ZNF682: variants seen among roughly 807,000 people sequenced by gnomAD.
The protein encoded by ZNF682 is zinc finger protein 682.
A neutral mutation model predicts 36.5 loss-of-function variants in ZNF682; 29 were observed. That is an observed-to-expected ratio of 0.80 (90% confidence interval 0.59 to 1.08). The LOEUF is 1.08. Ranked by LOEUF, ZNF682 falls within the 50% of genes least tolerant of loss-of-function variation. The pLI is 0.00. For missense variants in ZNF682, 561 were observed against 579.7 expected (o/e 0.97, Z 0.33); for synonymous variants, 180 against 197.0 (o/e 0.91, Z 0.72).
rs2122293421 is a variant in ZNF682, at chr19:20,004,930, T to C, written c.*1075A>G. 6.6e-6 allele frequency: 1 copy of C among 152,374 alleles called. No homozygotes were observed. The highest frequency in any genetic ancestry group is 1.5e-5 in the Non-Finnish European group (1 of 68,038). The allele number at this position is 152,374 out of a possible 1,614,324, so 9.4% of individuals were successfully genotyped here. Reference sequence around the variant, plus strand: ...AAATTATGTTAACCTTGAATTACTCTTTATAATCAATGCCCTGATTTAGAA... The same window carrying C: ...AAATTATGTTAACCTTGAATTACTCCTTATAATCAATGCCCTGATTTAGAA... On this transcript the variant is annotated 3_prime_UTR_variant, in exon 4 of 4. Transcript: ENST00000397165.
At chr19:19,997,502 G>A (rs148513033) in intron 3 of ZNF682, among the ~76,000 whole-genome samples, 2 of 152,308 alleles carry the variant, frequency 1.3e-5, no homozygotes, top group African/African-American at 2.4e-5. Context: ...TCACCCCAGA[G>A]GCATCTTGGG....
intron 3 of ZNF682, among the ~76,000 whole-genome samples, chr19:20,019,520 T>C (rs77692147): frequency 2.0e-5 from 3 of 151,908 alleles, no homozygotes; most frequent in African/African-American, 7.3e-5. Flanking sequence ...AAGAAAATAA[T>C]AGAAGGAAAC....
chr19:19,995,585 G>T (rs548558723), downstream of ZNF682, among the ~76,000 whole-genome samples: 3 of 151,952 alleles, frequency 2.0e-5, no homozygotes, highest in African/African-American at 7.3e-5. Context: ...GCCTCAAGGG[G>T]CTCACACAAC....
At chr19:20,035,699 A>T (rs2088523131) in intron 1 of ZNF682, among the ~76,000 whole-genome samples, 1 of 108,082 alleles carries the variant, frequency 9.3e-6, no homozygotes, top group Admixed American at 1.1e-4. Context: ...TCCAAAATAA[A>T]TATTGTGCTG....
At chr19:20,009,770 G>A (rs572462618) in intron 3 of ZNF682, among the ~76,000 whole-genome samples, 8 of 152,062 alleles carry the variant, frequency 5.3e-5, no homozygotes, top group African/African-American at 7.2e-5. Context: ...TCTGTAATCC[G>A]AGCTTTTTGG....
At position 20,013,956 on chromosome 19, in the gene ZNF682, GA is replaced by G. The variant is rs536414556; in HGVS notation, c.227-6682del. Among the ~76,000 whole-genome samples the G allele has an allele frequency of 3.2e-3, 494 of 152,176 alleles. 1 individual carries two copies. Among genetic ancestry groups the G allele is most frequent in the African/African-American group, 0.011 (470 of 41,522 alleles). On this transcript the variant is annotated intron_variant, in intron 3 of 3. Transcript: ENST00000397165. ...GGAATGAAACTAAAAATTAGTAATA[GA>G]AAAAAATCCACAAATATATGGAAAT...
At chr19:20,001,131 A>T (rs1599599066), downstream of ZNF682, among the ~76,000 whole-genome samples, 1 of 152,214 alleles carries the variant, frequency 6.6e-6, no homozygotes, top group Non-Finnish European at 1.5e-5. Context: ...CTCTGTTCAC[A>T]TACTTGTAGA....
chr19:20,022,893 CA>C (rs1599611803), intron 3 of ZNF682, 110 bp downstream of exon 3: 1 of 895,304 alleles, frequency 1.1e-6, no homozygotes, highest in East Asian at 2.4e-5. Flanking sequence ...TCACGTTCCT[CA>C]AAAATCATCT....
chr19:20,027,399 C>A (rs8101367), intron 1 of ZNF682, among the ~76,000 whole-genome samples: 119,117 of 152,186 alleles, frequency 0.78, 46,757 homozygotes, highest in Middle Eastern at 0.87. Context: ...AGCAAAGGGC[C>A]CATAGGGCCC....
chr19:20,001,135 T>C (rs1330421980), downstream of ZNF682, among the ~76,000 whole-genome samples: 1 of 152,242 alleles, frequency 6.6e-6, no homozygotes, highest in Non-Finnish European at 1.5e-5. Context: ...GTTCACATAC[T>C]TGTAGAAATA....
intron 3 of ZNF682, among the ~76,000 whole-genome samples, chr19:20,017,068 T>C (rs1220122558): frequency 6.6e-6 from 1 of 151,820 alleles, no homozygotes; most frequent in South Asian, 2.1e-4. Context: ...ATAGAAGATA[T>C]GCAAAAGAAA....
intron 1 of ZNF682, among the ~76,000 whole-genome samples, chr19:20,028,754 T>G (rs1005587738): frequency 6.6e-6 from 1 of 152,244 alleles, no homozygotes; most frequent in Non-Finnish European, 1.5e-5. Context: ...AGCTCATGTC[T>G]GAGTAAGTCT....
intron 3 of ZNF682, chr19:20,015,267 C>T (rs1008519413): frequency 4.1e-6 from 4 of 985,190 alleles, no homozygotes; most frequent in Middle Eastern, 5.2e-4. Flanking sequence ...GACTCCTCAT[C>T]TAAACAGGAT....
At chr19:20,031,589 T>C (rs542264344) in intron 1 of ZNF682, among the ~76,000 whole-genome samples, 41 of 152,354 alleles carry the variant, frequency 2.7e-4, no homozygotes, top group African/African-American at 9.9e-4. Context: ...TTGGGTGTTA[T>C]AGCATGCTGC....
intron 3 of ZNF682, among the ~76,000 whole-genome samples, chr19:20,010,562 G>C (rs1406868555): frequency 6.6e-6 from 1 of 152,166 alleles, no homozygotes. Flanking sequence ...GGGAGGCTGA[G>C]GCAGGAGAAT....
At chr19:20,031,453 C>T (rs1177508614) in intron 1 of ZNF682, among the ~76,000 whole-genome samples, 2 of 152,176 alleles carry the variant, frequency 1.3e-5, no homozygotes, top group African/African-American at 2.4e-5. Context: ...TGACCTGTCA[C>T]GATGCAGAAA....
intron 3 of ZNF682, among the ~76,000 whole-genome samples, chr19:20,020,596 G>C (rs1320552403): frequency 6.6e-6 from 1 of 152,110 alleles, no homozygotes; most frequent in East Asian, 1.9e-4. Flanking sequence ...AATAAAATCA[G>C]TATTTCTAAT....
chr19:20,006,587 T>C lies in ZNF682; in HGVS notation c.915A>G (p.Thr305=), dbSNP rs781132834. 6 of 1,614,210 alleles carry C rather than the reference T, an allele frequency of 3.7e-6. No homozygotes were observed. The highest frequency in any genetic ancestry group is 4.2e-6 in the Non-Finnish European group (5 of 1,180,032). The change falls in exon 4 of 4, where the codon ACA becomes ACG. Residue 305 remains threonine, a synonymous_variant. Coordinates refer to ENST00000397165, the MANE Select transcript of ZNF682 (RefSeq NM_033196.3). ...NRHSHLTKHK[T]IHTGKKPYKC... is the part of the protein sequence containing the mutation. ...TGTAGGGTTTCTTTCCAGTGTGAAT[T>C]GTCTTATGTTTGGTGAGATGTGAGT...
chr19:20,036,777 G>C (rs1035869960), intron 1 of ZNF682, among the ~76,000 whole-genome samples: 4 of 133,238 alleles, frequency 3.0e-5, no homozygotes, highest in Non-Finnish European at 6.2e-5. Flanking sequence ...CACCAGTTCC[G>C]GGAACATGGT....
Sources: gnomAD v4.1 joint callset for allele counts (sites outside exome capture counted in the v4.1 genomes callset) on GRCh38, gnomAD v4.1.1 for gene constraint, MANE v1.5 for transcripts, NCBI Gene and HGNC (gene_info 2026-07-23, HGNC 2026-07-21) for gene names.